ATRNL1: variants seen among roughly 807,000 people sequenced by gnomAD.
ATRNL1 encodes the protein attractin-like protein 1.
A neutral mutation model predicts 182.7 loss-of-function variants in ATRNL1; 95 were observed. The ratio of observed to expected loss-of-function variants is 0.52; its 90% CI spans 0.44 to 0.62. The LOEUF (loss-of-function observed/expected upper bound fraction) is 0.62. Ranked by LOEUF, ATRNL1 falls within the 20% of genes least tolerant of loss-of-function variation. The pLI is 0.00. For missense variants in ATRNL1, 1,471 were observed against 1,679.5 expected, an observed-to-expected ratio of 0.88 and a Z score of 2.17; for synonymous variants, 576 against 568.3, an observed-to-expected ratio of 1.01 and a Z score of -0.19.
chr10:115,478,769 A>G (rs1423572769), intron 24 of ATRNL1, among the ~76,000 whole-genome samples: 1 of 151,760 alleles, frequency 6.6e-6, no homozygotes, highest in Non-Finnish European at 1.5e-5. Flanking sequence ...TTTAAAGTAT[A>G]TGAAAATAGA....
chr10:115,678,056 C>CA (rs1233720854), intron 26 of ATRNL1, among the ~76,000 whole-genome samples: 2 of 152,084 alleles, frequency 1.3e-5, no homozygotes, highest in Non-Finnish European at 2.9e-5. Context: ...TACCAGGTCT[C>CA]AGCCTGCTGT....
intron 10 of ATRNL1, among the ~76,000 whole-genome samples, chr10:115,251,055 C>T (rs954241556): frequency 6.6e-5 from 10 of 152,110 alleles, no homozygotes; most frequent in East Asian, 1.9e-4. Context: ...ACACATTTGC[C>T]GACTCCATGG....
intron 17 of ATRNL1, among the ~76,000 whole-genome samples, chr10:115,305,687 C>G (rs143854698): frequency 1.8e-3 from 275 of 152,250 alleles, no homozygotes; most frequent in African/African-American, 6.2e-3. Flanking sequence ...TGAAAGATTA[C>G]ATACTGTTTG....
rs975284415 is a variant in ATRNL1 at position 115,128,513 on chromosome 10, G to C, written c.620+792G>C. 2.0e-5 allele frequency: 11 copies of C among 557,676 alleles called. No individual in the cohort carries two copies. The African/African-American group carries it at 2.2e-4, about 11-fold the overall frequency. The allele number at this position is 557,676 out of a possible 1,614,324, so 34.5% of individuals were successfully genotyped here. On this transcript the variant is annotated intron_variant, in intron 4 of 28. Coordinates refer to ENST00000355044, the MANE Select transcript of ATRNL1 (RefSeq NM_207303.4). ...TTTATCCTACAACGTATCCAAGTAT[G>C]TATGCAAGGGAGAACAAATATATAG...
intron 5 of ATRNL1, among the ~76,000 whole-genome samples, chr10:115,156,281 A>G (rs1473635401): frequency 6.6e-6 from 1 of 152,116 alleles, no homozygotes; most frequent in African/African-American, 2.4e-5. Flanking sequence ...AGAAAGAGGC[A>G]ACTTAAGAAT....
Position 115,286,243 on chromosome 10 carries a change from A to G in ATRNL1, c.2261A>G (p.His754Arg), listed in dbSNP as rs1245330872. Residue 754 changes from histidine (H) to arginine (R), a missense_variant, in exon 15 of 29, where the codon CAT (histidine) becomes CGT (arginine). His to Arg is a conservative substitution (Grantham distance 29, BLOSUM62 0). Coordinates refer to ENST00000355044, the MANE Select transcript of ATRNL1 (RefSeq NM_207303.4). ...PAHLCGEGWS[H>R]IGDACLRVNS... is the part of the protein sequence containing the mutation. ...CATCTTTGTGGAGAAGGATGGAGTC[A>G]TATTGGGGATGCTTGTCTTAGAGTC... 1 of 1,592,410 alleles carries G rather than the reference A, an allele frequency of 6.3e-7. No individual in the cohort carries two copies. The highest frequency in any genetic ancestry group is 1.1e-5 in the South Asian group (1 of 89,966).
intron 19 of ATRNL1, among the ~76,000 whole-genome samples, chr10:115,344,298 A>C (rs1371979481): frequency 4.6e-5 from 7 of 152,108 alleles, no homozygotes; most frequent in Non-Finnish European, 7.4e-5. Context: ...TTAGAAGTCT[A>C]CTTAGTGTTC....
intron 28 of ATRNL1, among the ~76,000 whole-genome samples, chr10:115,899,741 C>T (rs1555113271): frequency 6.6e-6 from 1 of 152,150 alleles, no homozygotes; most frequent in Non-Finnish European, 1.5e-5. Flanking sequence ...CTTGGGACAG[C>T]TTTTACTGTA....
chr10:115,580,534 T>C (rs1855006862), intron 26 of ATRNL1, among the ~76,000 whole-genome samples: 1 of 152,116 alleles, frequency 6.6e-6, no homozygotes, highest in Non-Finnish European at 1.5e-5. Context: ...TCTTTAACTT[T>C]TGTCAAATCA....
intron 27 of ATRNL1, among the ~76,000 whole-genome samples, chr10:115,786,209 CAATTCCA>C (rs1253942481): frequency 6.6e-6 from 1 of 152,130 alleles, no homozygotes; most frequent in Non-Finnish European, 1.5e-5. Context: ...ACCCATTACC[CAATTCCA>C]AATTCCAAAG....
intron 28 of ATRNL1, among the ~76,000 whole-genome samples, chr10:115,871,484 T>TATATATATATATATATATAC (rs1951584264): frequency 7.6e-6 from 1 of 132,290 alleles, no homozygotes; most frequent in African/African-American, 3.7e-5. Context: ...TGTGTGTATA[T>TATATATATATATATATATAC]ATATATATAT....
chr10:115,723,289 A>G (rs8181393), intron 26 of ATRNL1, among the ~76,000 whole-genome samples: 56,089 of 151,902 alleles, frequency 0.37, 11,148 homozygotes, highest in East Asian at 0.55. Context: ...TATGAAGACA[A>G]TTGCAGGCAG....
chr10:115,366,273 T>C (rs1411026269), intron 19 of ATRNL1, among the ~76,000 whole-genome samples: 6 of 152,050 alleles, frequency 3.9e-5, no homozygotes, highest in Non-Finnish European at 7.4e-5. Flanking sequence ...CATTATGTAA[T>C]GGCCTTCTTT....
At chr10:115,319,241 G>C (rs147329841) in intron 18 of ATRNL1, among the ~76,000 whole-genome samples, 52 of 152,246 alleles carry the variant, frequency 3.4e-4, no homozygotes, top group African/African-American at 1.2e-3. Context: ...TGATTGCCCT[G>C]TTGTCTGAGA....
At chr10:115,234,631 C>T (rs1850099004) in intron 9 of ATRNL1, among the ~76,000 whole-genome samples, 1 of 145,638 alleles carries the variant, frequency 6.9e-6, no homozygotes, top group Admixed American at 6.9e-5. Flanking sequence ...CACTCTGTTG[C>T]CCATGCTTGA....
At chr10:115,481,627 T>C (rs1040680334) in intron 24 of ATRNL1, among the ~76,000 whole-genome samples, 11 of 150,906 alleles carry the variant, frequency 7.3e-5, no homozygotes, top group Non-Finnish European at 1.6e-4. Flanking sequence ...CACTTCTTTA[T>C]TTTACTATCA....
intron 26 of ATRNL1, among the ~76,000 whole-genome samples, chr10:115,679,469 C>T (rs1555043993): frequency 6.6e-6 from 1 of 152,020 alleles, no homozygotes; most frequent in African/African-American, 2.4e-5. Flanking sequence ...CTCAGATCTG[C>T]TGTATTGCTT....
chr10:115,803,019 A>G (rs1165920622), intron 27 of ATRNL1, among the ~76,000 whole-genome samples: 7 of 152,174 alleles, frequency 4.6e-5, no homozygotes, highest in Admixed American at 2.6e-4. Context: ...CCAAAATTAC[A>G]CCTGAATTTC....
At chr10:115,820,014 G>A (rs1248402242) in intron 27 of ATRNL1, 2 of 152,064 alleles carry the variant, frequency 1.3e-5, no homozygotes, top group Admixed American at 1.3e-4. Flanking sequence ...TAACACTGCT[G>A]TGTTACTACA....
Sources: gnomAD v4.1 joint callset for allele counts (sites outside exome capture counted in the v4.1 genomes callset) on GRCh38, gnomAD v4.1.1 for gene constraint, MANE v1.5 for transcripts, NCBI Gene and HGNC (gene_info 2026-07-23, HGNC 2026-07-21) for gene names.